The following MGAT5 variants were observed in gnomAD, a reference collection of about 807,000 sequenced individuals.
MGAT5 encodes the protein alpha-1,6-mannosylglycoprotein 6-beta-N-acetylglucosaminyltransferase, also known as alpha-1,6-mannosylglycoprotein 6-beta-N-acetylglucosaminyltransferase A.
Under a neutral mutation model 94.3 loss-of-function variants are expected in MGAT5, and 30 were observed. That is an observed-to-expected ratio of 0.32 (90% CI 0.24 to 0.43). The LOEUF is 0.43. Ranked by LOEUF, MGAT5 falls within the 20% of genes least tolerant of loss-of-function variation. The pLI is 1.00. For missense variants in MGAT5, 691 were observed against 905.5 expected (o/e 0.76, Z 3.04); for synonymous variants, 310 against 322.9 (o/e 0.96, Z 0.43).
rs140663929 is a variant in MGAT5, at chr2:134,312,792, A to G, written c.407-4737A>G. Among the ~76,000 whole-genome samples, 325 of 152,274 alleles carry G rather than the reference A, an allele frequency of 2.1e-3. 1 individual carries two copies. Among genetic ancestry groups the G allele is most frequent in the African/African-American group, 7.6e-3 (315 of 41,540 alleles). Reference sequence around the variant, plus strand: ...TGAAGGTGGGCTAAATTAGGAGGTCAGTGCTGAGGATTTTAAAGGCTTTCC... The same window carrying G: ...TGAAGGTGGGCTAAATTAGGAGGTCGGTGCTGAGGATTTTAAAGGCTTTCC... On this transcript the variant is annotated intron_variant, in intron 2 of 15. Transcript: ENST00000281923.
In MGAT5 at chr2:134,451,963, C is replaced by G. The variant is rs1278423635; in HGVS notation, c.*3116C>G. ...TTTGCTTTTTTGTGTGTTTGCTGTGCGTTTGGAGATATTAGTCAGTTTCTT... is the reference window on the plus strand; with the variant it reads ...TTTGCTTTTTTGTGTGTTTGCTGTGGGTTTGGAGATATTAGTCAGTTTCTT... On this transcript the variant is annotated 3_prime_UTR_variant, in exon 16 of 16. Transcript: ENST00000281923. 1 of 152,080 alleles carries G rather than the reference C, an allele frequency of 6.6e-6. No individual in the cohort carries two copies. Among genetic ancestry groups the G allele is most frequent in the Non-Finnish European group, 1.5e-5 (1 of 68,020 alleles). 9.4% of individuals were successfully genotyped at this position (152,080 alleles called of 1,614,324 possible). A position where few individuals can be genotyped will look rare whatever the true frequency, so the allele number is the denominator to read the frequency against.
chr2:134,416,991 C>G (rs1408484134), intron 12 of MGAT5, among the ~76,000 whole-genome samples: 3 of 151,708 alleles, frequency 2.0e-5, no homozygotes, highest in Non-Finnish European at 2.9e-5. Context: ...GCTGAATATT[C>G]CATTGAATAT....
chr2:134,183,255 T>C (rs558173080), intron 1 of MGAT5, among the ~76,000 whole-genome samples: 1 of 152,322 alleles, frequency 6.6e-6, no homozygotes, highest in Non-Finnish European at 1.5e-5. Flanking sequence ...TTCTTCAAGG[T>C]AGTAAAATTA....
chr2:134,431,178 T>G (rs181187648), intron 14 of MGAT5, among the ~76,000 whole-genome samples: 10 of 152,158 alleles, frequency 6.6e-5, no homozygotes, highest in Admixed American at 6.5e-4. Context: ...GATTGCAGAA[T>G]GTGAAAAGAC....
chr2:134,272,598 G>A (rs1684098074), intron 2 of MGAT5, among the ~76,000 whole-genome samples: 2 of 152,266 alleles, frequency 1.3e-5, no homozygotes, highest in South Asian at 4.1e-4. Flanking sequence ...GGGAAGGAGA[G>A]GAAACTAACA....
At chr2:134,385,020 C>T (rs573120749) in intron 10 of MGAT5, among the ~76,000 whole-genome samples, 12 of 152,146 alleles carry the variant, frequency 7.9e-5, no homozygotes, top group Non-Finnish European at 1.3e-4. Context: ...CATGGCTACA[C>T]ATACTGGGCT....
chr2:134,138,252 A>G (rs919921678), intron 1 of MGAT5, among the ~76,000 whole-genome samples: 9 of 151,700 alleles, frequency 5.9e-5, no homozygotes, highest in African/African-American at 2.2e-4. Context: ...AAATTCACCA[A>G]ATTTACTCGC....
chr2:134,137,495 G>T (rs866671206), intron 1 of MGAT5, among the ~76,000 whole-genome samples: 14 of 152,142 alleles, frequency 9.2e-5, no homozygotes, highest in Admixed American at 5.2e-4. Context: ...ACTGCACCTC[G>T]TCAGGCTGCA....
At chr2:134,361,016 T>C (rs1182945221) in intron 9 of MGAT5, among the ~76,000 whole-genome samples, 2 of 152,172 alleles carry the variant, frequency 1.3e-5, no homozygotes, top group Non-Finnish European at 2.9e-5. Context: ...CCTTCTTCAT[T>C]GTGTTCCCCT....
intron 2 of MGAT5, among the ~76,000 whole-genome samples, chr2:134,299,384 A>T (rs1685883386): frequency 6.6e-6 from 1 of 152,206 alleles, no homozygotes; most frequent in African/African-American, 2.4e-5. Flanking sequence ...TACCTGTGCG[A>T]GCTGGAGTAC....
chr2:134,342,843 T>C (rs1397464936), intron 7 of MGAT5, among the ~76,000 whole-genome samples: 4 of 152,208 alleles, frequency 2.6e-5, no homozygotes, highest in African/African-American at 9.6e-5. Context: ...GATGGCCAGC[T>C]TGTGGTCAAA....
At chr2:134,243,813 C>G (rs530488169) in intron 1 of MGAT5, among the ~76,000 whole-genome samples, 7 of 152,270 alleles carry the variant, frequency 4.6e-5, no homozygotes, top group African/African-American at 1.2e-4. Context: ...CTGGGGTAGG[C>G]CAGTACCCAG....
chr2:134,276,689 A>G lies in MGAT5; in HGVS notation c.406+6139A>G, dbSNP rs1371392799. 5.3e-5 allele frequency among the ~76,000 whole-genome samples: 8 copies of G among 152,334 alleles called. No homozygotes were observed. In the East Asian group the frequency reaches 1.5e-3, roughly 29 times the overall value. On this transcript the variant is annotated intron_variant, in intron 2 of 15. Transcript: ENST00000281923. ...GGCCGTGGCAGTTGATGAGAGGTTTAAAGTAGGAGGATGAATAGGTGTGAG... is the reference window on the plus strand; with the variant it reads ...GGCCGTGGCAGTTGATGAGAGGTTTGAAGTAGGAGGATGAATAGGTGTGAG...
At chr2:134,200,369 T>C (rs1030720545) in intron 1 of MGAT5, among the ~76,000 whole-genome samples, 4 of 152,206 alleles carry the variant, frequency 2.6e-5, no homozygotes, top group African/African-American at 9.7e-5. Flanking sequence ...TTGTAGATTC[T>C]TCTGGAAATT....
At chr2:134,254,983 C>T (rs1342671901) in intron 1 of MGAT5, among the ~76,000 whole-genome samples, 1 of 152,112 alleles carries the variant, frequency 6.6e-6, no homozygotes, top group Non-Finnish European at 1.5e-5. Flanking sequence ...GAAAAATATT[C>T]TCATCTTTCC....
At chr2:134,185,271 A>C (rs1688947816) in intron 1 of MGAT5, among the ~76,000 whole-genome samples, 1 of 152,206 alleles carries the variant, frequency 6.6e-6, no homozygotes, top group African/African-American at 2.4e-5. Flanking sequence ...AGGGAATTCC[A>C]GAATGCTGAA....
intron 10 of MGAT5, among the ~76,000 whole-genome samples, chr2:134,392,096 G>A (rs530927737): frequency 2.3e-4 from 35 of 152,326 alleles, no homozygotes; most frequent in African/African-American, 7.7e-4. Flanking sequence ...GGAGGAGGAC[G>A]TAGAAAGTGA....
intron 1 of MGAT5, among the ~76,000 whole-genome samples, chr2:134,247,152 A>G (rs1435838646): frequency 1.3e-5 from 2 of 152,184 alleles, no homozygotes; most frequent in Admixed American, 1.3e-4. Flanking sequence ...TTTTAATGTA[A>G]ATTGAGATGG....
chr2:134,145,600 A>G (rs1686882974), intron 1 of MGAT5, among the ~76,000 whole-genome samples: 1 of 152,252 alleles, frequency 6.6e-6, no homozygotes. Flanking sequence ...TGAACTGAAA[A>G]TAACTAACAA....
Sources: gnomAD v4.1 joint callset for allele counts (sites outside exome capture counted in the v4.1 genomes callset) on GRCh38, gnomAD v4.1.1 for gene constraint, MANE v1.5 for transcripts, NCBI Gene and HGNC (gene_info 2026-07-23, HGNC 2026-07-21) for gene names.